The following MARCHF8 variants were observed in gnomAD, a reference collection of about 807,000 sequenced individuals.
The protein encoded by MARCHF8 is membrane associated ring-CH-type finger 8, also known as E3 ubiquitin-protein ligase MARCHF8.
MARCHF8 carries 40 observed loss-of-function variants against 51.6 expected under a neutral mutation model. The ratio of observed to expected loss-of-function variants is 0.77; its 90% CI spans 0.60 to 1.01. The LOEUF is 1.01. Ranked by LOEUF, MARCHF8 falls within the 50% of genes least tolerant of loss-of-function variation. MARCHF8 has a pLI of 0.00. For synonymous variants in MARCHF8, 263 were observed against 280.3 expected, an observed-to-expected ratio of 0.94 and a Z score of 0.62; for missense variants, 685 against 708.6, an observed-to-expected ratio of 0.97 and a Z score of 0.38.
chr10:45,578,870 C>A (rs569070346), intron 1 of MARCHF8, among the ~76,000 whole-genome samples: 1 of 152,306 alleles, frequency 6.6e-6, no homozygotes, highest in South Asian at 2.1e-4. Context: ...CTGATCTGTA[C>A]TCTTCCAAAA....
At chr10:45,591,252 A>G (rs574974227) in intron 1 of MARCHF8, among the ~76,000 whole-genome samples, 8 of 152,306 alleles carry the variant, frequency 5.3e-5, no homozygotes, top group African/African-American at 1.9e-4. Context: ...CTTCACATGG[A>G]CGCCTGAGAC....
At chr10:45,464,092 C>T in intron 4 of MARCHF8, 96 bp from the exon 5 acceptor site, 3 of 1,512,474 alleles carry the variant, frequency 2.0e-6, no homozygotes, top group Middle Eastern at 1.7e-4. Flanking sequence ...GCATGGGTAA[C>T]TTGGTGAGCA....
intron 1 of MARCHF8, among the ~76,000 whole-genome samples, chr10:45,534,411 A>G (rs1430466176): frequency 6.6e-6 from 1 of 152,120 alleles, no homozygotes. Flanking sequence ...GTGTATGCAT[A>G]AACTGTCTTC....
intron 1 of MARCHF8, among the ~76,000 whole-genome samples, chr10:45,587,367 T>TTCAACAAAATATGCATAGGACCTGTA (rs2044629499): frequency 6.6e-6 from 1 of 152,066 alleles, no homozygotes; most frequent in Non-Finnish European, 1.5e-5. Context: ...AAGATATAAA[T>TTCAACAAAATATGCATAGGACCTGTA]TCAACAAAAT....
In MARCHF8 at chr10:45,463,259, C is replaced by T. The variant is rs779839666; in HGVS notation, c.980G>A (p.Arg327Gln). ...TSAKLKSRVL[R>Q]APLCSTEKDS... Reference sequence around the variant, plus strand: ...CTTTTCCGTGGAGCAGAGGGGCGCCCGCAGAACCCTACTCTTCAGTTTTGC... The same window carrying T: ...CTTTTCCGTGGAGCAGAGGGGCGCCTGCAGAACCCTACTCTTCAGTTTTGC... The change falls in exon 5 of 8, where the codon CGG (arginine) becomes CAG (glutamine). Residue 327 changes from arginine to glutamine, a missense_variant. Coordinates refer to ENST00000453424, the MANE Select transcript of MARCHF8 (RefSeq NM_001282866.2). 2.6e-6 allele frequency: 4 copies of T among 1,550,784 alleles called. No individual in the cohort carries two copies. Among genetic ancestry groups the T allele is most frequent in the East Asian group, 2.4e-5 (1 of 40,926 alleles).
intron 2 of MARCHF8, among the ~76,000 whole-genome samples, chr10:45,507,437 C>T (rs547637056): frequency 6.6e-6 from 1 of 152,228 alleles, no homozygotes; most frequent in African/African-American, 2.4e-5. Flanking sequence ...CAGAGAGACA[C>T]TCAAGAAGCT....
At chr10:45,548,481 G>A (rs1273974774) in intron 1 of MARCHF8, among the ~76,000 whole-genome samples, 1 of 152,148 alleles carries the variant, frequency 6.6e-6, no homozygotes, top group Non-Finnish European at 1.5e-5. Flanking sequence ...ACTGGAAAAA[G>A]GGCCTGGACT....
rs1162006777 is a variant in MARCHF8, at chr10:45,463,428, C to A, written c.811G>T (p.Ala271Ser). The change falls in exon 5 of 8, where the codon GCC becomes TCC. Residue 271 changes from alanine to serine, a missense_variant. Physicochemically the swap from Ala to Ser is moderately conservative, Grantham distance 99. Coordinates refer to ENST00000453424, the MANE Select transcript of MARCHF8 (RefSeq NM_001282866.2). ...TCATGGAACCTGTGCAGGCTGCTGGCGCTCAAGCCGTGCGAGAGTGAGAAC... is the reference window on the plus strand; with the variant it reads ...TCATGGAACCTGTGCAGGCTGCTGGAGCTCAAGCCGTGCGAGAGTGAGAAC... ...YLFSLSHGLSASSLHRFHELE... is the reference protein window; with the variant it reads ...YLFSLSHGLSSSSLHRFHELE... 4.5e-6 allele frequency: 7 copies of A among 1,550,584 alleles called. No homozygotes were observed. In the South Asian group the frequency reaches 4.8e-5, roughly 11 times the overall value.
At chr10:45,485,442 T>C (rs1440687075) in intron 3 of MARCHF8, among the ~76,000 whole-genome samples, 3 of 152,208 alleles carry the variant, frequency 2.0e-5, no homozygotes, top group African/African-American at 7.2e-5. Flanking sequence ...GACTTTGCCA[T>C]TGTAATTGCT....
chr10:45,515,964 G>A (rs973777460), intron 2 of MARCHF8, among the ~76,000 whole-genome samples: 6 of 152,124 alleles, frequency 3.9e-5, no homozygotes, highest in Non-Finnish European at 2.9e-5. Context: ...AATGTCTTAC[G>A]AGATTTCATG....
At chr10:45,561,371 C>T (rs2044308762) in intron 1 of MARCHF8, among the ~76,000 whole-genome samples, 1 of 151,192 alleles carries the variant, frequency 6.6e-6, no homozygotes, top group Admixed American at 6.6e-5. Flanking sequence ...ATCTCCTGAG[C>T]TCAAGCAATT....
Position 45,458,117 on chromosome 10 carries a change from A to G in MARCHF8, c.*122T>C. 3 of 1,046,446 alleles carry G rather than the reference A, an allele frequency of 2.9e-6. No homozygotes were observed. The highest frequency in any genetic ancestry group is 1.8e-5 in the South Asian group (1 of 56,442). 64.8% of individuals were successfully genotyped at this position (1,046,446 alleles called of 1,614,324 possible). A position where few individuals can be genotyped will look rare whatever the true frequency, so the allele number is the denominator to read the frequency against. ...AGGAGGGTTTAGAAAAAGAGAAGCC[A>G]CTATAAATAGTCACCTGTCCAGTCT... On this transcript the variant is annotated 3_prime_UTR_variant, in exon 8 of 8. Transcript: ENST00000453424.
chr10:45,504,399 G>A (rs149215668), intron 2 of MARCHF8, among the ~76,000 whole-genome samples: 9 of 152,336 alleles, frequency 5.9e-5, no homozygotes, highest in South Asian at 2.1e-4. Flanking sequence ...AGCCGAGATC[G>A]CGCCATTGCA....
chr10:45,527,980 A>G (rs1564503033), intron 2 of MARCHF8, among the ~76,000 whole-genome samples: 2 of 152,368 alleles, frequency 1.3e-5, no homozygotes, highest in East Asian at 1.9e-4. Flanking sequence ...TCTGCCACAT[A>G]AACAGGATTA....
chr10:45,518,500 G>C (rs946843150), intron 2 of MARCHF8, among the ~76,000 whole-genome samples: 5 of 152,136 alleles, frequency 3.3e-5, no homozygotes, highest in African/African-American at 1.2e-4. Context: ...GATTTTCCCT[G>C]CCTAGACTAC....
chr10:45,462,258 G>T (rs778225209), intron 5 of MARCHF8: 5 of 152,308 alleles, frequency 3.3e-5, no homozygotes, highest in Non-Finnish European at 5.9e-5. Context: ...TCAGAATGAG[G>T]AGGGCACAAG....
chr10:45,463,139 T>C lies in MARCHF8; in HGVS notation c.1088+12A>G. ...CAGAGATGGCTAGAATGGCACTTCC[T>C]GGCAAACCAACCTGCAGACATCCCC... On this transcript the variant is annotated intron_variant, in intron 5 of 7. Coordinates refer to ENST00000453424, the MANE Select transcript of MARCHF8 (RefSeq NM_001282866.2). The C allele has an allele frequency of 6.5e-7, 1 of 1,543,570 alleles. No individual in the cohort carries two copies. The highest frequency in any genetic ancestry group is 8.8e-7 in the Non-Finnish European group (1 of 1,142,710).
chr10:45,509,325 T>C (rs543988016), intron 2 of MARCHF8, among the ~76,000 whole-genome samples: 1 of 152,366 alleles, frequency 6.6e-6, no homozygotes, highest in South Asian at 2.1e-4. Context: ...TTTCCAGACA[T>C]ATAAGGAAGC....
intron 3 of MARCHF8, among the ~76,000 whole-genome samples, chr10:45,472,169 A>G (rs1444143675): frequency 1.3e-5 from 2 of 152,026 alleles, no homozygotes; most frequent in Non-Finnish European, 2.9e-5. Context: ...TCCTCCCAGG[A>G]ACACTCCCAC....
Sources: allele counts gnomAD v4.1 joint callset (sites outside exome capture counted in the v4.1 genomes callset), GRCh38; gene constraint gnomAD v4.1.1; transcripts MANE v1.5; gene names NCBI Gene and HGNC (gene_info 2026-07-23, HGNC 2026-07-21).